DNAJC2: variants seen among roughly 807,000 people sequenced by gnomAD.
DNAJC2 encodes the protein dnaJ homolog subfamily C member 2.
A neutral mutation model predicts 94.0 loss-of-function variants in DNAJC2; 32 were observed. The ratio of observed to expected loss-of-function variants is 0.34; its 90% confidence interval spans 0.26 to 0.46. DNAJC2 has a LOEUF of 0.46. Among genes scored for constraint, DNAJC2 ranks in the 20% least tolerant of loss-of-function variants. The pLI is 1.00. For synonymous variants in DNAJC2, 210 were observed against 229.7 expected (o/e 0.91, Z 0.77); for missense variants, 550 against 719.5 (o/e 0.76, Z 2.69).
rs1232231580 is a variant in DNAJC2, at chr7:103,341,945, A to G, written c.74T>C (p.Leu25Pro). 1 of 1,595,312 alleles carries G rather than the reference A, an allele frequency of 6.3e-7. No homozygotes were observed. Among genetic ancestry groups the G allele is most frequent in the Admixed American group, 1.8e-5 (1 of 55,452 alleles). ...ITHALTSAST[L>P]CQVEPVGRWF... is the part of the protein sequence containing the mutation. ...TCTTCCCACAGGTTCAACTTGACAG[A>G]GTGTAGAGGCTGTGATTGAAAGTGT... Residue 25 changes from leucine to proline, a missense_variant, in exon 2 of 17, where the codon CTC (leucine) becomes CCC (proline). Coordinates refer to ENST00000379263, the MANE Select transcript of DNAJC2 (RefSeq NM_014377.3).
At chr7:103,344,522 T>TGAGGTGAGAAGGAACC (rs1228787059) in intron 1 of DNAJC2, 37 bp downstream of exon 1, 1 of 1,612,034 alleles carries the variant, frequency 6.2e-7, no homozygotes, top group Non-Finnish European at 8.5e-7. Context: ...CAGGGGCAGC[T>TGAGGTGAGAAGGAACC]GAGGTGAGAA....
intron 15 of DNAJC2, chr7:103,313,462 AAG>A: frequency 1.0e-6 from 1 of 985,024 alleles, no homozygotes; most frequent in Non-Finnish European, 1.2e-6. Context: ...ACAATTCATT[AAG>A]AGTTCTGATA....
At chr7:103,327,495 A>G in intron 4 of DNAJC2, 161 bp downstream of exon 4, 1 of 688,870 alleles carries the variant, frequency 1.5e-6, no homozygotes, top group South Asian at 1.7e-5. Context: ...TTGTGTCGTG[A>G]GGCTCTGGGG....
chr7:103,320,470 T>C (rs1261470098), intron 10 of DNAJC2, among the ~76,000 whole-genome samples: 1 of 151,990 alleles, frequency 6.6e-6, no homozygotes, highest in Non-Finnish European at 1.5e-5. Context: ...CATCTTACCA[T>C]TATCAAACCA....
chr7:103,324,983 C>T (rs1818625349), intron 5 of DNAJC2, among the ~76,000 whole-genome samples: 1 of 152,210 alleles, frequency 6.6e-6, no homozygotes, highest in Non-Finnish European at 1.5e-5. Flanking sequence ...CTAATTTCCA[C>T]CTCATCACCA....
Position 103,343,033 on chromosome 7 carries a change from CTTG to C in DNAJC2, c.65-1082_65-1080del, listed in dbSNP as rs573653927. Among the ~76,000 whole-genome samples, 11 of 151,338 alleles carry C rather than the reference CTTG, an allele frequency of 7.3e-5. No homozygotes were observed. In the East Asian group the frequency reaches 2.0e-3, roughly 27 times the overall value. ...TTATTTTTTGAGACGGAGTTTTGCTCTTGTTGTCCAGGCTGTAGTGCAATAGCG... is the reference window on the plus strand; with the variant it reads ...TTATTTTTTGAGACGGAGTTTTGCTCTTGTCCAGGCTGTAGTGCAATAGCG... On this transcript the variant is annotated intron_variant, in intron 1 of 16. Transcript: ENST00000379263.
chr7:103,321,718 A>AGG (rs1267412985), intron 10 of DNAJC2, among the ~76,000 whole-genome samples: 3 of 152,038 alleles, frequency 2.0e-5, no homozygotes, highest in East Asian at 1.9e-4. Context: ...GCGTGGTGGC[A>AGG]CACGCCTGTA....
rs374725378 is a variant in DNAJC2 at position 103,319,686 on chromosome 7, A to G, written c.1173-8T>C. 6 of 1,613,870 alleles carry G rather than the reference A, an allele frequency of 3.7e-6. No individual in the cohort carries two copies. The highest frequency in any genetic ancestry group is 5.1e-6 in the Non-Finnish European group (6 of 1,179,920). On this transcript the variant is annotated splice_region_variant and splice_polypyrimidine_tract_variant and intron_variant, in intron 11 of 16. Coordinates refer to ENST00000379263, the MANE Select transcript of DNAJC2 (RefSeq NM_014377.3). The stretch of plus-strand genomic sequence containing the variant: ...TCATTCAAGCACTGTAAGCTAAAGA[A>G]AAAAAAAGAAGAAATGAAACTTTAT...
In DNAJC2 at chr7:103,338,267, CTT is replaced by C. The variant is rs528754279; in HGVS notation, c.256-458_256-457del. ...GATAGGCGACAGAGCAAGACCCTGT[CTT>C]TTTTTTTTTTTTTTTAATGATTTTA... On this transcript the variant is annotated intron_variant, in intron 2 of 16. Coordinates refer to ENST00000379263, the MANE Select transcript of DNAJC2 (RefSeq NM_014377.3). Among the ~76,000 whole-genome samples, 540 of 124,060 alleles carry C rather than the reference CTT, an allele frequency of 4.4e-3. 5 individuals carry two copies. Among genetic ancestry groups the C allele is most frequent in the African/African-American group, 0.015 (509 of 33,226 alleles). 81.4% of individuals were successfully genotyped at this position (124,060 alleles called of 152,430 possible).
At chr7:103,328,731 G>GT (rs201198665) in intron 3 of DNAJC2, among the ~76,000 whole-genome samples, 1 of 152,080 alleles carries the variant, frequency 6.6e-6, no homozygotes, top group Admixed American at 6.6e-5. Context: ...ATTTTCCATG[G>GT]TTTTTTCCTT....
At chr7:103,335,571 T>A (rs899951711) in intron 3 of DNAJC2, 2 of 151,272 alleles carry the variant, frequency 1.3e-5, no homozygotes, top group Non-Finnish European at 2.9e-5. Context: ...AGAGTCTCAC[T>A]CTCTCACTCT....
At chr7:103,325,458 A>AC (rs1466020306) in intron 5 of DNAJC2, among the ~76,000 whole-genome samples, 1 of 151,762 alleles carries the variant, frequency 6.6e-6, no homozygotes, top group Non-Finnish European at 1.5e-5. Flanking sequence ...GGAAAAAAAA[A>AC]AAACCAAAAA....
chr7:103,323,762 TTCC>T, intron 6 of DNAJC2, 99 bp from the exon 7 acceptor site: 5 of 940,228 alleles, frequency 5.3e-6, no homozygotes, highest in Non-Finnish European at 5.8e-6. Context: ...ATACCTTTCC[TTCC>T]CTTCTAGTAT....
Position 103,344,681 on chromosome 7 carries a change from T to C in DNAJC2, c.-59A>G, listed in dbSNP as rs1477924545. ...GCTCACGTCCCGGGCGGAGGGCGCT[T>C]AGGGTCCCCTCCAGCTCTACCTCTC... On this transcript the variant is annotated 5_prime_UTR_variant, in exon 1 of 17. Coordinates refer to ENST00000379263, the MANE Select transcript of DNAJC2 (RefSeq NM_014377.3). 1.3e-6 allele frequency: 2 copies of C among 1,564,206 alleles called. No homozygotes were observed. The highest frequency in any genetic ancestry group is 1.3e-5 in the African/African-American group (1 of 74,108).
At chr7:103,336,727 A>G (rs1819189932) in intron 3 of DNAJC2, 1 of 152,256 alleles carries the variant, frequency 6.6e-6, no homozygotes, top group South Asian at 2.1e-4. Context: ...TTATACTGGA[A>G]TAACTATTCA....
chr7:103,315,249 TAG>T (rs1474128033), intron 15 of DNAJC2, among the ~76,000 whole-genome samples: 4 of 151,338 alleles, frequency 2.6e-5, no homozygotes, highest in Admixed American at 2.0e-4. Context: ...GAAATAATTT[TAG>T]AGGAGTAGAA....
chr7:103,327,191 T>C, intron 4 of DNAJC2: 1 of 356,912 alleles, frequency 2.8e-6, no homozygotes, highest in Non-Finnish European at 5.2e-6. Context: ...TAAGTAACTG[T>C]AGGGTCTGTA....
intron 2 of DNAJC2, among the ~76,000 whole-genome samples, chr7:103,340,848 A>G (rs1033024944): frequency 6.6e-6 from 1 of 152,150 alleles, no homozygotes; most frequent in African/African-American, 2.4e-5. Context: ...ATTTCTAACC[A>G]TCTACTAGAC....
chr7:103,312,425 G>C lies in DNAJC2; in HGVS notation c.*144C>G. 6.6e-7 allele frequency: 1 copy of C among 1,509,538 alleles called. No homozygotes were observed. The highest frequency in any genetic ancestry group is 8.8e-7 in the Non-Finnish European group (1 of 1,138,626). The allele number at this position is 1,509,538 out of a possible 1,614,324, so 93.5% of individuals were successfully genotyped here. The stretch of plus-strand genomic sequence containing the variant: ...AGACTACCCCTCTGAAGGTTGTTTT[G>C]TATTAATGGTCAGTCTTTGTTCTCT... On this transcript the variant is annotated 3_prime_UTR_variant, in exon 17 of 17. Coordinates refer to ENST00000379263, the MANE Select transcript of DNAJC2 (RefSeq NM_014377.3).
Sources: gnomAD v4.1 joint callset for allele counts (sites outside exome capture counted in the v4.1 genomes callset) on GRCh38, gnomAD v4.1.1 for gene constraint, MANE v1.5 for transcripts, NCBI Gene and HGNC (gene_info 2026-07-23, HGNC 2026-07-21) for gene names.